The following WLS variants were observed in gnomAD, a reference collection of about 807,000 sequenced individuals.
The protein encoded by WLS is protein wntless homolog.
Under a neutral mutation model 62.8 loss-of-function variants are expected in WLS, and 23 were observed. The observed-to-expected ratio is 0.37, with a 90% confidence interval of 0.26 to 0.52. The LOEUF is 0.52. WLS is among the 20% of genes least tolerant of loss of function. The pLI is 0.92. For missense variants in WLS, 615 were observed against 697.3 expected (o/e 0.88, Z 1.33); for synonymous variants, 246 against 244.1 (o/e 1.01, Z -0.07).
chr1:68,176,304 G>A (rs1379350720), intron 2 of WLS: 1 of 152,216 alleles, frequency 6.6e-6, no homozygotes, highest in Non-Finnish European at 1.5e-5. Flanking sequence ...AAGCAAAAGG[G>A]AGTCAGATTT....
At chr1:68,205,671 A>G (rs111358386) in intron 1 of WLS, among the ~76,000 whole-genome samples, 1,942 of 152,336 alleles carry the variant, frequency 0.013, 31 homozygotes, top group Non-Finnish European at 0.018. Flanking sequence ...CTTCTTAAGA[A>G]CACATGTAGG....
chr1:68,127,787 A>G (rs1178283982), intron 11 of WLS, among the ~76,000 whole-genome samples: 1 of 152,166 alleles, frequency 6.6e-6, no homozygotes, highest in Non-Finnish European at 1.5e-5. Context: ...CCTTGGCCCT[A>G]CCCTTAGGAC....
chr1:68,227,246 C>T (rs574980398), intron 1 of WLS, among the ~76,000 whole-genome samples: 8 of 152,062 alleles, frequency 5.3e-5, no homozygotes, highest in South Asian at 2.1e-4. Context: ...GGTGAAACCC[C>T]GTCTCTACTA....
At chr1:68,227,476 T>G (rs1650208820) in intron 1 of WLS, among the ~76,000 whole-genome samples, 1 of 150,282 alleles carries the variant, frequency 6.7e-6, no homozygotes, top group Non-Finnish European at 1.5e-5. Flanking sequence ...AAGAACCAAA[T>G]AGTTAAGTTT....
intron 1 of WLS, among the ~76,000 whole-genome samples, chr1:68,226,178 G>T (rs2100669505): frequency 6.6e-6 from 1 of 152,274 alleles, no homozygotes; most frequent in East Asian, 1.9e-4. Flanking sequence ...CTATTCTCAT[G>T]TTTCCCTGCA....
At chr1:68,201,326 A>C (rs552715072) in intron 1 of WLS, among the ~76,000 whole-genome samples, 11 of 152,340 alleles carry the variant, frequency 7.2e-5, no homozygotes, top group Admixed American at 2.0e-4. Context: ...AAGTTCAGCT[A>C]AAGAAAGTGC....
intron 2 of WLS, among the ~76,000 whole-genome samples, chr1:68,177,055 C>T (rs1647289072): frequency 6.6e-6 from 1 of 152,180 alleles, no homozygotes; most frequent in African/African-American, 2.4e-5. Flanking sequence ...AATATTCTTC[C>T]ATTTCAAAAT....
At chr1:68,112,008 C>G (rs1646234563) in intron 11 of WLS, among the ~76,000 whole-genome samples, 1 of 152,176 alleles carries the variant, frequency 6.6e-6, no homozygotes. Flanking sequence ...AAGCAGTGCC[C>G]TCCTTGGGAC....
intron 11 of WLS, among the ~76,000 whole-genome samples, chr1:68,115,726 C>A (rs981719316): frequency 1.1e-4 from 16 of 151,582 alleles, no homozygotes; most frequent in African/African-American, 3.6e-4. Flanking sequence ...AAAACATCAA[C>A]AAATTTCTGA....
At chr1:68,173,046 A>G (rs12037394) in intron 2 of WLS, among the ~76,000 whole-genome samples, 8,968 of 152,292 alleles carry the variant, frequency 0.059, 289 homozygotes, top group Middle Eastern at 0.12. Context: ...ACTGAGGCCC[A>G]CTGCTAACAC....
chr1:68,111,333 G>A lies in WLS; in HGVS notation c.1511-12580C>T, dbSNP rs371569652. On this transcript the variant is annotated intron_variant, in intron 11 of 11. Transcript: ENST00000354777. Reference sequence around the variant, plus strand: ...TGGGAGAAAGAAGGACCACACTGGTGGGAGAAGCTGGTGACAAGTGGTAAG... The same window carrying A: ...TGGGAGAAAGAAGGACCACACTGGTAGGAGAAGCTGGTGACAAGTGGTAAG... Among the ~76,000 whole-genome samples, 7 of 152,316 alleles carry A rather than the reference G, an allele frequency of 4.6e-5. No individual in the cohort carries two copies. In the East Asian group the frequency reaches 1.4e-3, roughly 29 times the overall value.
chr1:68,172,746 G>A (rs946508853), intron 2 of WLS, among the ~76,000 whole-genome samples: 2 of 152,248 alleles, frequency 1.3e-5, no homozygotes, highest in East Asian at 1.9e-4. Flanking sequence ...ACTAGGCAGC[G>A]AGATAGGAAA....
In WLS at chr1:68,159,161, C is replaced by A; in HGVS notation, c.466G>T (p.Val156Leu). The stretch of plus-strand genomic sequence containing the variant: ...AAGGTGCATTTGAGTTTCCGTGGTA[C>A]TCTTTCATGGGCCATTTCAGTCCAC... Reference protein sequence around the residue: ...AEWTEMAHERVPRKLKCTFTS... With the variant: ...AEWTEMAHERLPRKLKCTFTS... The change falls in exon 3 of 12, where the codon GTA (valine) becomes TTA (leucine). Residue 156 changes from valine (V) to leucine (L), a missense_variant. Physicochemically the swap from Val to Leu is conservative, Grantham distance 32 (BLOSUM62 1). Transcript: ENST00000262348. 1 of 1,614,132 alleles carries A rather than the reference C, an allele frequency of 6.2e-7. No individual in the cohort carries two copies. Among genetic ancestry groups the A allele is most frequent in the Non-Finnish European group, 8.5e-7 (1 of 1,180,002 alleles).
intron 2 of WLS, among the ~76,000 whole-genome samples, chr1:68,176,557 A>G (rs74081211): frequency 0.13 from 19,301 of 152,216 alleles, 1,263 homozygotes; most frequent in Middle Eastern, 0.19. Context: ...TTTTCTTAAG[A>G]AACAAACTCC....
At chr1:68,193,931 G>A (rs1157638857) in intron 2 of WLS, 24 bp downstream of exon 2, 1 of 1,602,000 alleles carries the variant, frequency 6.2e-7, no homozygotes, top group African/African-American at 1.3e-5. Context: ...GGGAAGAAAG[G>A]GATGAGAGGA....
At position 68,111,014 on chromosome 1, in the gene WLS, T is replaced by C. The variant is rs183849832; in HGVS notation, c.1511-12261A>G. On this transcript the variant is annotated intron_variant, in intron 11 of 11. Transcript: ENST00000354777. ...TTTTTTTGAAAGACACAAGTACCCATTAAAAAAGAAAACATTGGTAAATCA... is the reference window on the plus strand; with the variant it reads ...TTTTTTTGAAAGACACAAGTACCCACTAAAAAAGAAAACATTGGTAAATCA... Among the ~76,000 whole-genome samples, 323 of 152,236 alleles carry C rather than the reference T, an allele frequency of 2.1e-3. 1 individual carries two copies. The highest frequency in any genetic ancestry group is 7.1e-3 in the African/African-American group (297 of 41,550).
intron 9 of WLS, 123 bp downstream of exon 9, chr1:68,145,746 T>A: frequency 6.8e-7 from 1 of 1,471,306 alleles, no homozygotes; most frequent in South Asian, 1.4e-5. Flanking sequence ...AGATCCTACA[T>A]GAGAATCTCT....
intron 11 of WLS, among the ~76,000 whole-genome samples, chr1:68,136,931 C>G (rs1316659488): frequency 6.6e-6 from 1 of 152,214 alleles, no homozygotes; most frequent in Non-Finnish European, 1.5e-5. Context: ...TGAGAAAGGG[C>G]TTCCTATGTT....
At chr1:68,179,792 C>T (rs905362770) in intron 2 of WLS, among the ~76,000 whole-genome samples, 3 of 152,220 alleles carry the variant, frequency 2.0e-5, no homozygotes, top group South Asian at 2.1e-4. Context: ...TCAACAATCA[C>T]GGCTTCTCTG....
Sources: gnomAD v4.1 joint callset for allele counts (sites outside exome capture counted in the v4.1 genomes callset) on GRCh38, gnomAD v4.1.1 for gene constraint, MANE v1.5 for transcripts, NCBI Gene and HGNC (gene_info 2026-07-23, HGNC 2026-07-21) for gene names.